The following GLG1 variants were observed in gnomAD, a reference collection of about 807,000 sequenced individuals.
GLG1 encodes the protein Golgi apparatus protein 1.
A neutral mutation model predicts 160.5 loss-of-function variants in GLG1; 38 were observed. The observed-to-expected ratio is 0.24, with a 90% CI of 0.18 to 0.31. The LOEUF is 0.31. Among genes scored for constraint, GLG1 ranks in the 10% least tolerant of loss-of-function variants. The pLI is 1.00. For synonymous variants in GLG1, 644 were observed against 543.4 expected (o/e 1.19, Z -2.57); for missense variants, 1,373 against 1,505.2 (o/e 0.91, Z 1.45).
intron 1 of GLG1, among the ~76,000 whole-genome samples, chr16:74,570,608 G>A (rs1265565361): frequency 6.6e-6 from 1 of 152,114 alleles, no homozygotes; most frequent in Non-Finnish European, 1.5e-5. Context: ...TCAACAGATG[G>A]AGTCAGGCCA....
chr16:74,474,334 G>C, intron 13 of GLG1: 2 of 548,880 alleles, frequency 3.6e-6, no homozygotes, highest in South Asian at 4.8e-5. Context: ...CCAAAGGGCT[G>C]TATAGAGTGT....
intron 1 of GLG1, among the ~76,000 whole-genome samples, chr16:74,598,625 G>C (rs572503293): frequency 6.6e-6 from 1 of 151,980 alleles, no homozygotes; most frequent in African/African-American, 2.4e-5. Flanking sequence ...GGGCGCGGTG[G>C]CTCACGTCTG....
intron 1 of GLG1, among the ~76,000 whole-genome samples, chr16:74,603,827 T>C (rs1341120411): frequency 6.6e-6 from 1 of 152,156 alleles, no homozygotes; most frequent in Admixed American, 6.6e-5. Context: ...TTACACTTTC[T>C]AATTTTTTGT....
At position 74,469,030 on chromosome 16, in the gene GLG1, C is replaced by T. The variant is rs762059910; in HGVS notation, c.2352G>A (p.Val784=). Residue 784 remains valine, a synonymous_variant, in exon 17 of 26, where the codon GTG becomes GTA. Transcript: ENST00000422840. ...TGGCTTCCTGCAGAGTGTCATTGCG[C>T]ACGGTCGTGCTCAGGCAGATCACCA... ...VDVVICLSTT[V]RNDTLQEAKE... 16 of 1,614,096 alleles carry T rather than the reference C, an allele frequency of 9.9e-6. No homozygotes were observed. The East Asian group carries it at 3.6e-4, about 36-fold the overall frequency.
chr16:74,516,464 A>C (rs925249089), intron 2 of GLG1, among the ~76,000 whole-genome samples: 2 of 152,190 alleles, frequency 1.3e-5, no homozygotes, highest in South Asian at 2.1e-4. Context: ...TACTGGGTAC[A>C]TAACGAAATG....
At chr16:74,542,163 T>C (rs1179348772) in intron 1 of GLG1, among the ~76,000 whole-genome samples, 1 of 149,178 alleles carries the variant, frequency 6.7e-6, no homozygotes, top group Admixed American at 6.8e-5. Flanking sequence ...ATGATCTGGT[T>C]TGAATAGTAT....
intron 1 of GLG1, among the ~76,000 whole-genome samples, chr16:74,597,465 A>G (rs1044392994): frequency 5.3e-5 from 8 of 151,358 alleles, no homozygotes; most frequent in African/African-American, 1.5e-4. Context: ...AAGAAAAAAA[A>G]AGCTCCGGTG....
At chr16:74,524,118 A>G (rs1490040184) in intron 2 of GLG1, among the ~76,000 whole-genome samples, 2 of 152,124 alleles carry the variant, frequency 1.3e-5, no homozygotes, top group Non-Finnish European at 2.9e-5. Context: ...CTGAGGCAGG[A>G]GAATCACTTG....
intron 1 of GLG1, among the ~76,000 whole-genome samples, chr16:74,570,377 T>C (rs1050759817): frequency 6.6e-6 from 1 of 152,172 alleles, no homozygotes; most frequent in Non-Finnish European, 1.5e-5. Context: ...TTGTGAAGCA[T>C]TTCTCAGCCT....
chr16:74,480,610 G>A (rs148764934), intron 10 of GLG1, among the ~76,000 whole-genome samples: 1 of 151,376 alleles, frequency 6.6e-6, no homozygotes, highest in East Asian at 1.9e-4. Flanking sequence ...AGGCTGGAGT[G>A]CAGTGGTGCT....
At chr16:74,481,627 GAAAT>G (rs1318041421) in intron 10 of GLG1, among the ~76,000 whole-genome samples, 1 of 152,090 alleles carries the variant, frequency 6.6e-6, no homozygotes, top group African/African-American at 2.4e-5. Flanking sequence ...TGAAGGAATA[GAAAT>G]AAGAATATAT....
At chr16:74,548,173 T>G (rs2018101853) in intron 1 of GLG1, among the ~76,000 whole-genome samples, 1 of 152,252 alleles carries the variant, frequency 6.6e-6, no homozygotes. Context: ...TTAGCTGCTC[T>G]GCATTCTAAA....
intron 1 of GLG1, among the ~76,000 whole-genome samples, chr16:74,590,621 CAAAAA>C (rs11321370): frequency 2.5e-4 from 19 of 76,250 alleles, no homozygotes; most frequent in Non-Finnish European, 4.3e-4. Context: ...ACTCCGTCTC[CAAAAA>C]AAAAAAAAAA....
chr16:74,498,702 TA>T (rs1336717735), intron 4 of GLG1, among the ~76,000 whole-genome samples: 2 of 149,212 alleles, frequency 1.3e-5, no homozygotes, highest in Non-Finnish European at 3.0e-5. Context: ...CTGTCTCTAC[TA>T]AAAATTCAAA....
chr16:74,506,598 A>AAAAAAAAAAAAAAC (rs768101788), intron 3 of GLG1, among the ~76,000 whole-genome samples: 174 of 144,638 alleles, frequency 1.2e-3, no homozygotes, highest in African/African-American at 2.8e-3. Context: ...AAAAAAAAAA[A>AAAAAAAAAAAAAAC]AAAAAACTCA....
At chr16:74,586,482 A>AT (rs961920643) in intron 1 of GLG1, among the ~76,000 whole-genome samples, 18 of 149,826 alleles carry the variant, frequency 1.2e-4, no homozygotes, top group Admixed American at 2.7e-4. Context: ...TGGAAAGATA[A>AT]TTTTTTTTTT....
At chr16:74,494,540 G>A (rs1041862952) in intron 6 of GLG1, among the ~76,000 whole-genome samples, 11 of 151,220 alleles carry the variant, frequency 7.3e-5, no homozygotes, top group African/African-American at 2.4e-4. Flanking sequence ...CCGAGTAGCT[G>A]GGATTACAGG....
At chr16:74,551,469 T>TG (rs2018196237) in intron 1 of GLG1, among the ~76,000 whole-genome samples, 1 of 55,526 alleles carries the variant, frequency 1.8e-5, no homozygotes, top group South Asian at 9.0e-4. Flanking sequence ...CATGTCTGGC[T>TG]ATTTTTTTTT....
chr16:74,572,893 G>A (rs926387332), intron 1 of GLG1, among the ~76,000 whole-genome samples: 1 of 152,164 alleles, frequency 6.6e-6, no homozygotes, highest in African/African-American at 2.4e-5. Context: ...GTGACGGGCT[G>A]TCTTATGGGA....
Sources: allele counts gnomAD v4.1 joint callset (sites outside exome capture counted in the v4.1 genomes callset), GRCh38; gene constraint gnomAD v4.1.1; transcripts MANE v1.5; gene names NCBI Gene and HGNC (gene_info 2026-07-23, HGNC 2026-07-21).